Variants in FBXO17 observed in about 807,000 individuals in gnomAD.
FBXO17 encodes F-box only protein 17.
A neutral mutation model predicts 34.1 loss-of-function variants in FBXO17; 43 were observed. The ratio of observed to expected loss-of-function variants is 1.26; its 90% confidence interval spans 0.99 to 1.62. The LOEUF (loss-of-function observed/expected upper bound fraction) is 1.62, where lower values mean the gene tolerates loss of function less well. Among genes scored for constraint, FBXO17 ranks in the 40% most tolerant of loss-of-function variants. FBXO17 has a pLI of 0.00. For missense variants in FBXO17, 424 were observed against 386.7 expected (o/e 1.10, Z -0.81); for synonymous variants, 169 against 166.0 (o/e 1.02, Z -0.14).
intron 5 of FBXO17, among the ~76,000 whole-genome samples, chr19:38,943,647 T>A (rs1016515601): frequency 1.3e-5 from 2 of 152,080 alleles, no homozygotes; most frequent in Admixed American, 6.6e-5. Context: ...TGGAGTGCAG[T>A]GGCATGATCT....
intron 1 of FBXO17, among the ~76,000 whole-genome samples, chr19:38,955,075 C>T (rs760923519): frequency 1.8e-4 from 27 of 151,574 alleles, no homozygotes; most frequent in Non-Finnish European, 3.7e-4. Context: ...AGACTACAGG[C>T]GCCCACCACC....
rs750919898 is a variant in FBXO17 at position 38,948,534 on chromosome 19, C to G, written c.461+33G>C. 1.3e-5 allele frequency: 20 copies of G among 1,572,500 alleles called. No homozygotes were observed. The South Asian group carries it at 2.3e-4, about 18-fold the overall frequency. ...GTCCCTTTCTTTGGGGCCTTTGCCC[C>G]AGGGATCGGGGCCTCTCACTTGGGC... On this transcript the variant is annotated intron_variant, in intron 3 of 5. Coordinates refer to ENST00000292852, the MANE Select transcript of FBXO17 (RefSeq NM_024907.7).
Position 38,951,252 on chromosome 19 carries a change from A to T in FBXO17, c.-17-916T>A, listed in dbSNP as rs1026524356. 5.5e-5 allele frequency among the ~76,000 whole-genome samples: 8 copies of T among 146,708 alleles called. No homozygotes were observed. The East Asian group carries it at 1.7e-3, about 30-fold the overall frequency. On this transcript the variant is annotated intron_variant, in intron 1 of 5. Coordinates refer to ENST00000292852, the MANE Select transcript of FBXO17 (RefSeq NM_024907.7). Reference sequence around the variant, plus strand: ...GCTAGAAACCAGGACTATAGCCTCTACCTCCTGGGCTCGAGTGATCCTCCT... The same window carrying T: ...GCTAGAAACCAGGACTATAGCCTCTTCCTCCTGGGCTCGAGTGATCCTCCT...
At chr19:38,960,244 T>A (rs1334253236) in intron 1 of FBXO17, among the ~76,000 whole-genome samples, 1 of 152,088 alleles carries the variant, frequency 6.6e-6, no homozygotes, top group Non-Finnish European at 1.5e-5. Flanking sequence ...TTTTGGTCTG[T>A]CCAGAGTATA....
rs889114958 is a variant in FBXO17, at chr19:38,975,694, G to C, written c.-126C>G. The C allele has an allele frequency of 2.0e-5, 3 of 152,020 alleles. No homozygotes were observed. Among genetic ancestry groups the C allele is most frequent in the African/African-American group, 7.2e-5 (3 of 41,424 alleles). The allele number at this position is 152,020 out of a possible 1,614,324, so 9.4% of individuals were successfully genotyped here. A position where few individuals can be genotyped will look rare whatever the true frequency, so the allele number is the denominator to read the frequency against. On this transcript the variant is annotated 5_prime_UTR_variant, in exon 1 of 6. Transcript: ENST00000292852. This position sits in a 1 kb window ranked among gnomAD's most constrained non-coding sequence, Gnocchi z 4.9. ...TGATCGGCGTGGCCCAGGGGGCCCC[G>C]GGACCGGCGGTCTGGGCGGTCGGTC...
rs12981700 is a variant in FBXO17, at chr19:38,975,372, T to A, written c.-18+214A>T. Among the ~76,000 whole-genome samples, 48,901 of 152,130 alleles carry A rather than the reference T, an allele frequency of 0.32. 8,377 individuals carry two copies. Among genetic ancestry groups the A allele is most frequent in the South Asian group, 0.48 (2,331 of 4,824 alleles). ...GCAAAGCCCTTCCAGATTTAGGGCT[T>A]TCTAACGTGCATTTGTATAACTTTG... On this transcript the variant is annotated intron_variant, in intron 1 of 5. Transcript: ENST00000292852. The surrounding 1 kb of genome is among the most constrained non-coding windows in gnomAD (Gnocchi z 4.9).
intron 1 of FBXO17, among the ~76,000 whole-genome samples, chr19:38,966,474 C>T (rs7256823): frequency 6.6e-6 from 1 of 152,072 alleles, no homozygotes; most frequent in African/African-American, 2.4e-5. Context: ...AGGGACCTTG[C>T]ATTTTCATTT....
intron 1 of FBXO17, among the ~76,000 whole-genome samples, chr19:38,972,261 C>G (rs1008915100): frequency 1.3e-5 from 2 of 151,962 alleles, no homozygotes; most frequent in African/African-American, 2.4e-5. Context: ...AAAACTAGGC[C>G]GGGAGCAGTG....
chr19:38,958,932 C>T (rs1975207715), intron 1 of FBXO17, among the ~76,000 whole-genome samples: 1 of 152,104 alleles, frequency 6.6e-6, no homozygotes, highest in Non-Finnish European at 1.5e-5. Context: ...GAGACAAAGT[C>T]TCACTCTGTC....
At chr19:38,972,759 C>A (rs560957418) in intron 1 of FBXO17, among the ~76,000 whole-genome samples, 28 of 152,080 alleles carry the variant, frequency 1.8e-4, no homozygotes, top group Admixed American at 1.4e-3. Context: ...GCCATATTTG[C>A]ACTCTCTCTT....
rs564156174 is a variant in FBXO17, at chr19:38,954,146, G to GT, written c.-17-3811dup. 6.9e-4 allele frequency among the ~76,000 whole-genome samples: 105 copies of GT among 152,178 alleles called. No homozygotes were observed. The South Asian group carries it at 7.1e-3, about 10-fold the overall frequency. ...ATTAGCCTGGCCAGGGGGCTGTGTT[G>GT]TTTTTTAGCTCACTCAAGCTGTGTG... On this transcript the variant is annotated intron_variant, in intron 1 of 5. Coordinates refer to ENST00000292852, the MANE Select transcript of FBXO17 (RefSeq NM_024907.7).
intron 1 of FBXO17, 100 bp from the exon 2 acceptor site, chr19:38,950,436 C>A: frequency 7.4e-7 from 1 of 1,353,742 alleles, no homozygotes; most frequent in South Asian, 1.7e-5. Flanking sequence ...TCGAGAGACC[C>A]CATTAGGTCC....
chr19:38,951,363 T>TG (rs1172695245), intron 1 of FBXO17, among the ~76,000 whole-genome samples: 1 of 151,646 alleles, frequency 6.6e-6, no homozygotes, highest in African/African-American at 2.4e-5. Flanking sequence ...TTTGTAGAGA[T>TG]GGGGTCTCAC....
chr19:38,972,410 T>C (rs576323573), intron 1 of FBXO17, among the ~76,000 whole-genome samples: 21 of 152,156 alleles, frequency 1.4e-4, no homozygotes, highest in Admixed American at 3.9e-4. Flanking sequence ...CTGGGTGTGG[T>C]GGCACGCACC....
intron 1 of FBXO17, among the ~76,000 whole-genome samples, chr19:38,953,678 A>C (rs971221003): frequency 6.6e-6 from 1 of 152,026 alleles, no homozygotes; most frequent in Non-Finnish European, 1.5e-5. Context: ...AACAAAAACA[A>C]AAACAAAAAA....
intron 1 of FBXO17, chr19:38,952,523 A>T (rs1298855531): frequency 1.9e-6 from 1 of 533,960 alleles, no homozygotes; most frequent in South Asian, 1.4e-5. Context: ...CTTCCTGACC[A>T]TTCTCCCTCC....
intron 1 of FBXO17, among the ~76,000 whole-genome samples, chr19:38,958,785 A>T (rs112583538): frequency 0.017 from 2,538 of 152,238 alleles, 72 homozygotes; most frequent in African/African-American, 0.057. Context: ...TCAGTTCACC[A>T]CTGCTCGTGA....
intron 1 of FBXO17, among the ~76,000 whole-genome samples, chr19:38,961,282 C>CTTTTTTTTT (rs113778086): frequency 7.0e-6 from 1 of 142,476 alleles, no homozygotes; most frequent in South Asian, 2.2e-4. Context: ...GATTTTAAAT[C>CTTTTTTTTT]TTTTTTTTTT....
chr19:38,952,738 C>T, intron 1 of FBXO17: 1 of 477,068 alleles, frequency 2.1e-6, no homozygotes, highest in South Asian at 1.5e-5. Flanking sequence ...TGACCTCTCT[C>T]TAGTGACTTT....
Sources: allele counts gnomAD v4.1 joint callset (sites outside exome capture counted in the v4.1 genomes callset), GRCh38; gene constraint gnomAD v4.1.1; non-coding constraint Gnocchi (gnomAD v3.1); transcripts MANE v1.5; gene names NCBI Gene and HGNC (gene_info 2026-07-23, HGNC 2026-07-21).